The following EYS variants were observed in gnomAD, a reference collection of about 807,000 sequenced individuals.
The protein encoded by EYS is protein eyes shut homolog.
EYS carries 250 observed loss-of-function variants against 282.1 expected under a neutral mutation model. The observed-to-expected ratio is 0.89, with a 90% CI of 0.80 to 0.98. The LOEUF (loss-of-function observed/expected upper bound fraction) is 0.98. Ranked by LOEUF, EYS falls within the 50% of genes least tolerant of loss-of-function variation. The pLI is 0.00. For missense variants in EYS, 4,016 were observed against 3,709.0 expected, an observed-to-expected ratio of 1.08 and a Z score of -2.15; for synonymous variants, 1,355 against 1,282.9, an observed-to-expected ratio of 1.06 and a Z score of -1.20.
At chr6:64,282,105 A>C (rs1009512049) in intron 30 of EYS, among the ~76,000 whole-genome samples, 1 of 152,176 alleles carries the variant, frequency 6.6e-6, no homozygotes, top group Non-Finnish European at 1.5e-5. Context: ...GAAAAGCAAC[A>C]GCAAGCAATA....
At chr6:64,620,832 T>G (rs911550093) in intron 23 of EYS, among the ~76,000 whole-genome samples, 3 of 152,154 alleles carry the variant, frequency 2.0e-5, no homozygotes, top group African/African-American at 7.2e-5. Context: ...AAACCAAAAA[T>G]TGTCATTAGC....
At chr6:65,048,527 C>T (rs574674578) in intron 13 of EYS, among the ~76,000 whole-genome samples, 15 of 151,870 alleles carry the variant, frequency 9.9e-5, no homozygotes, top group Non-Finnish European at 1.6e-4. Flanking sequence ...AGTAACCAAT[C>T]CTATGAAAAA....
At chr6:64,026,111 G>A (rs1370480577) in intron 33 of EYS, among the ~76,000 whole-genome samples, 1 of 152,160 alleles carries the variant, frequency 6.6e-6, no homozygotes, top group Non-Finnish European at 1.5e-5. Context: ...CAACTATTCT[G>A]ATCAGTAGGG....
At chr6:64,706,306 A>AG (rs1168743786) in intron 22 of EYS, among the ~76,000 whole-genome samples, 1 of 152,162 alleles carries the variant, frequency 6.6e-6, no homozygotes, top group Non-Finnish European at 1.5e-5. Context: ...CTCTCACCTT[A>AG]TACAAAAATA....
chr6:65,039,423 T>C (rs1422459225), intron 13 of EYS, among the ~76,000 whole-genome samples: 1 of 151,496 alleles, frequency 6.6e-6, no homozygotes, highest in African/African-American at 2.4e-5. Flanking sequence ...ATGGTACAAT[T>C]TGTCAACTTT....
chr6:65,066,962 G>T (rs1342575118), intron 12 of EYS, among the ~76,000 whole-genome samples: 3 of 152,138 alleles, frequency 2.0e-5, no homozygotes, highest in Non-Finnish European at 2.9e-5. Context: ...AACGACAGAG[G>T]AGAGAAAGGT....
intron 22 of EYS, among the ~76,000 whole-genome samples, chr6:64,790,094 A>T (rs1774143968): frequency 6.6e-6 from 1 of 151,928 alleles, no homozygotes; most frequent in African/African-American, 2.4e-5. Flanking sequence ...GAAAACGTTT[A>T]TTTGCTGGAA....
At chr6:63,790,975 T>C (rs1770495131) in intron 37 of EYS, among the ~76,000 whole-genome samples, 1 of 152,296 alleles carries the variant, frequency 6.6e-6, no homozygotes, top group South Asian at 2.1e-4. Flanking sequence ...ACCCATTTCA[T>C]GCCAGGAGCA....
chr6:64,176,851 G>T (rs1023347215), intron 31 of EYS, among the ~76,000 whole-genome samples: 2 of 151,940 alleles, frequency 1.3e-5, no homozygotes, highest in East Asian at 3.9e-4. Context: ...TTTAAGGACC[G>T]TTATTGAAAA....
intron 12 of EYS, among the ~76,000 whole-genome samples, chr6:65,177,619 C>T (rs901602353): frequency 6.6e-6 from 1 of 151,770 alleles, no homozygotes; most frequent in African/African-American, 2.4e-5. Context: ...CATATACCCT[C>T]ACATATACAT....
At chr6:63,933,243 A>T (rs1333726603) in intron 35 of EYS, among the ~76,000 whole-genome samples, 2 of 151,792 alleles carry the variant, frequency 1.3e-5, no homozygotes, top group Admixed American at 6.6e-5. Context: ...ATTTAGTTTT[A>T]TTTTTTTGAG....
In EYS at chr6:63,781,658, A is replaced by G. The variant is rs201236263; in HGVS notation, c.7724-3478T>C. Reference sequence around the variant, plus strand: ...CTTAAGGAGATTTTGGGCTGAGACAATGGGGTTTTCTAAATATACAATCAT... The same window carrying G: ...CTTAAGGAGATTTTGGGCTGAGACAGTGGGGTTTTCTAAATATACAATCAT... On this transcript the variant is annotated intron_variant, in intron 39 of 42. Coordinates refer to ENST00000503581, the MANE Select transcript of EYS (RefSeq NM_001142800.2). Among the ~76,000 whole-genome samples the G allele has an allele frequency of 1.4e-4, 21 of 152,292 alleles. No homozygotes were observed. The East Asian group carries it at 3.5e-3, about 25-fold the overall frequency.
chr6:64,797,749 G>A (rs993069447), intron 22 of EYS, among the ~76,000 whole-genome samples: 3 of 151,858 alleles, frequency 2.0e-5, no homozygotes, highest in Non-Finnish European at 2.9e-5. Context: ...ATTTAAAATA[G>A]GTTAAAACTA....
chr6:64,720,286 T>C (rs979858046), intron 22 of EYS, among the ~76,000 whole-genome samples: 8 of 152,240 alleles, frequency 5.3e-5, no homozygotes, highest in Admixed American at 5.2e-4. Context: ...TTCTCTCACC[T>C]TTTCCTTCCT....
At chr6:64,575,545 A>C (rs763758373) in intron 26 of EYS, among the ~76,000 whole-genome samples, 1 of 152,102 alleles carries the variant, frequency 6.6e-6, no homozygotes, top group Non-Finnish European at 1.5e-5. Flanking sequence ...AAACATTAAA[A>C]CGTATAAATA....
intron 12 of EYS, among the ~76,000 whole-genome samples, chr6:65,235,120 T>C (rs532311594): frequency 1.3e-5 from 2 of 152,222 alleles, no homozygotes; most frequent in Non-Finnish European, 2.9e-5. Flanking sequence ...CAAGAAAATA[T>C]TCAGTATATG....
chr6:65,331,533 A>T (rs562055739), intron 11 of EYS: 1 of 962,194 alleles, frequency 1.0e-6, no homozygotes, highest in East Asian at 1.2e-4. Flanking sequence ...AGTATTAATT[A>T]TGAGACAATA....
chr6:64,755,891 T>TA (rs1189384731), intron 22 of EYS, among the ~76,000 whole-genome samples: 2 of 152,094 alleles, frequency 1.3e-5, no homozygotes, highest in African/African-American at 2.4e-5. Context: ...CTTAAATCTA[T>TA]AAAAAATGAA....
rs1416422247 is a variant in EYS, at chr6:65,295,618, A to G, written c.2023+245T>C. The G allele has an allele frequency of 1.4e-4, 67 of 488,654 alleles. No individual in the cohort carries two copies. The East Asian group carries it at 2.4e-3, about 18-fold the overall frequency. The allele number at this position is 488,654 out of a possible 1,614,324, so 30.3% of individuals were successfully genotyped here. On this transcript the variant is annotated intron_variant, in intron 12 of 42. Transcript: ENST00000503581. ...TTTGACATATACCATCATATTCCCAATGCTTCAGCCTGACCTTATTAGTCT... is the reference window on the plus strand; with the variant it reads ...TTTGACATATACCATCATATTCCCAGTGCTTCAGCCTGACCTTATTAGTCT...
Sources: allele counts gnomAD v4.1 joint callset (sites outside exome capture counted in the v4.1 genomes callset), GRCh38; gene constraint gnomAD v4.1.1; transcripts MANE v1.5; gene names NCBI Gene and HGNC (gene_info 2026-07-23, HGNC 2026-07-21).